CCDC3: variants seen among roughly 807,000 people sequenced by gnomAD.
The protein encoded by CCDC3 is coiled-coil domain-containing protein 3.
A neutral mutation model predicts 21.4 loss-of-function variants in CCDC3; 24 were observed. That is an observed-to-expected ratio of 1.12 (90% CI 0.81 to 1.58). The LOEUF is 1.58. CCDC3 is among the 40% of genes most tolerant of loss of function. The pLI is 0.00. For missense variants in CCDC3, 425 were observed against 360.9 expected (o/e 1.18, Z -1.44); for synonymous variants, 186 against 166.0 (o/e 1.12, Z -0.93).
At position 12,898,359 on chromosome 10, in the gene CCDC3, A is replaced by G. The variant is rs1038960701; in HGVS notation, c.*57T>C. 4 of 1,497,592 alleles carry G rather than the reference A, an allele frequency of 2.7e-6. No homozygotes were observed. In the Admixed American group the frequency reaches 6.7e-5, roughly 25 times the overall value. 92.8% of individuals were successfully genotyped at this position (1,497,592 alleles called of 1,614,324 possible). On this transcript the variant is annotated 3_prime_UTR_variant, in exon 3 of 3. Transcript: ENST00000378825. ...GAAATAGCTGCATGTACGAAACCTC[A>G]CTCATTCTCAATTACCGTCAGGATT...
At chr10:12,905,905 T>C (rs1404752159) in intron 2 of CCDC3, among the ~76,000 whole-genome samples, 1 of 152,178 alleles carries the variant, frequency 6.6e-6, no homozygotes, top group East Asian at 1.9e-4. Context: ...TCTGGCCCCG[T>C]AGAGGGCAGA....
At chr10:12,981,067 C>G (rs1473087382) in intron 2 of CCDC3, among the ~76,000 whole-genome samples, 1 of 151,096 alleles carries the variant, frequency 6.6e-6, no homozygotes, top group Non-Finnish European at 1.5e-5. Context: ...GAGACAGGGT[C>G]TTGCTATGTT....
chr10:13,001,128 C>A lies in CCDC3; in HGVS notation c.374+69G>T, dbSNP rs989530846. 3.3e-6 allele frequency: 5 copies of A among 1,502,690 alleles called. No homozygotes were observed. In the African/African-American group the frequency reaches 5.6e-5, roughly 17 times the overall value. The allele number at this position is 1,502,690 out of a possible 1,614,324, so 93.1% of individuals were successfully genotyped here. Reference sequence around the variant, plus strand: ...TGCCCGGGGAGTTACCGGCCTGGCTCTAGGTAACGGCGACCTCGGGAGGTG... The same window carrying A: ...TGCCCGGGGAGTTACCGGCCTGGCTATAGGTAACGGCGACCTCGGGAGGTG... On this transcript the variant is annotated intron_variant, in intron 1 of 2. Coordinates refer to ENST00000378825, the MANE Select transcript of CCDC3 (RefSeq NM_031455.4).
At chr10:12,919,521 C>T (rs1245766642) in intron 2 of CCDC3, among the ~76,000 whole-genome samples, 3 of 145,588 alleles carry the variant, frequency 2.1e-5, no homozygotes, top group African/African-American at 7.7e-5. Context: ...ACCCAGGAGG[C>T]AGGGTTTGCA....
chr10:12,959,576 C>A (rs913911604), intron 2 of CCDC3, among the ~76,000 whole-genome samples: 1 of 152,134 alleles, frequency 6.6e-6, no homozygotes, highest in Non-Finnish European at 1.5e-5. Context: ...TTTGTGTAGT[C>A]AGGGGTCAGG....
intron 4 of CCDC3, among the ~76,000 whole-genome samples, chr10:13,057,458 TTTG>T (rs1266983445): frequency 7.5e-6 from 1 of 133,058 alleles, no homozygotes; most frequent in Non-Finnish European, 1.6e-5. Context: ...TGTTTCTTCT[TTTG>T]TTTTCTTAAA....
Position 13,001,550 on chromosome 10 carries a change from G to A in CCDC3, c.21C>T (p.Leu7=), listed in dbSNP as rs1403636832. 5.5e-6 allele frequency: 7 copies of A among 1,263,158 alleles called. No individual in the cohort carries two copies. Among genetic ancestry groups the A allele is most frequent in the Admixed American group, 8.5e-5 (2 of 23,576 alleles). 78.2% of individuals were successfully genotyped at this position (1,263,158 alleles called of 1,614,324 possible). Residue 7 remains leucine, a synonymous_variant, in exon 1 of 3, where the codon CTC becomes CTT. Transcript: ENST00000378825. MLRQLL[L]AALCLAGPPA... ...GGGGACCCGCCAGGCAGAGCGCGGC[G>A]AGCAGCAGCTGGCGCAGCATGCCGG...
At chr10:13,005,342 A>G (rs1835914022), upstream of CCDC3, among the ~76,000 whole-genome samples, 1 of 152,216 alleles carries the variant, frequency 6.6e-6, no homozygotes, top group South Asian at 2.1e-4. Flanking sequence ...AAAGGAATCT[A>G]AGCCACTTGC....
chr10:12,936,733 C>A (rs1351139389), intron 2 of CCDC3, among the ~76,000 whole-genome samples: 2 of 152,094 alleles, frequency 1.3e-5, no homozygotes, highest in African/African-American at 2.4e-5. Context: ...ATGCTGAGGC[C>A]CCCATCTGTG....
chr10:13,001,186 G>T lies in CCDC3; in HGVS notation c.374+11C>A. 2 of 1,545,328 alleles carry T rather than the reference G, an allele frequency of 1.3e-6. No homozygotes were observed. The highest frequency in any genetic ancestry group is 5.0e-5 in the East Asian group (2 of 40,316). The stretch of plus-strand genomic sequence containing the variant: ...GAGAGAGAGAGGTGGCGGCGGCGCC[G>T]CCGGGCTCACCTGAGGAAGAAGAAA... On this transcript the variant is annotated intron_variant, in intron 1 of 2. Coordinates refer to ENST00000378825, the MANE Select transcript of CCDC3 (RefSeq NM_031455.4).
chr10:12,910,723 C>T (rs1834259928), intron 2 of CCDC3, among the ~76,000 whole-genome samples: 1 of 151,716 alleles, frequency 6.6e-6, no homozygotes, highest in South Asian at 2.1e-4. Context: ...GATTCTCCTG[C>T]CTCAGCCTCC....
intron 5 of CCDC3, among the ~76,000 whole-genome samples, chr10:13,023,048 A>T (rs1208079093): frequency 6.7e-6 from 1 of 150,150 alleles, no homozygotes; most frequent in Non-Finnish European, 1.5e-5. Context: ...ACTGGGGAAA[A>T]ATTAAATAAA....
intron 5 of CCDC3, among the ~76,000 whole-genome samples, chr10:13,026,759 ATC>A (rs765852831): frequency 2.0e-5 from 3 of 152,206 alleles, no homozygotes; most frequent in Admixed American, 1.3e-4. Context: ...TCTCAGTTTA[ATC>A]TCATAATAGT....
chr10:13,042,630 C>A (rs527955822), intron 5 of CCDC3, among the ~76,000 whole-genome samples: 1 of 152,222 alleles, frequency 6.6e-6, no homozygotes, highest in Non-Finnish European at 1.5e-5. Context: ...GCTTCTCAGC[C>A]GGGCGTGGTG....
At chr10:12,928,737 G>A (rs1834588137) in intron 2 of CCDC3, among the ~76,000 whole-genome samples, 1 of 152,222 alleles carries the variant, frequency 6.6e-6, no homozygotes, top group Admixed American at 6.5e-5. Flanking sequence ...AGGGTGGAGT[G>A]TGAAGTATCT....
At chr10:13,010,711 G>A (rs976681574) in intron 5 of CCDC3, among the ~76,000 whole-genome samples, 5 of 152,142 alleles carry the variant, frequency 3.3e-5, no homozygotes, top group African/African-American at 2.4e-5. Context: ...CAACCCAAGT[G>A]TCCATCCACA....
intron 2 of CCDC3, among the ~76,000 whole-genome samples, chr10:12,955,682 GGCTGGTATTATAGGT>G (rs1212934704): frequency 1.3e-5 from 2 of 151,332 alleles, no homozygotes; most frequent in Non-Finnish European, 2.9e-5. Context: ...CCTCCCAAGT[GGCTGGTATTATAGGT>G]GTGTGCCACC....
At chr10:12,946,485 T>C (rs1834918126) in intron 2 of CCDC3, among the ~76,000 whole-genome samples, 1 of 152,172 alleles carries the variant, frequency 6.6e-6, no homozygotes, top group Admixed American at 6.5e-5. Context: ...GGCAGCCAAC[T>C]GATCCGATCA....
chr10:12,973,315 G>A (rs909811271), intron 2 of CCDC3, among the ~76,000 whole-genome samples: 2 of 152,132 alleles, frequency 1.3e-5, no homozygotes, highest in Non-Finnish European at 2.9e-5. Context: ...CTGGGCCCGA[G>A]GACAGCGGCC....
Sources: gnomAD v4.1 joint callset for allele counts (sites outside exome capture counted in the v4.1 genomes callset) on GRCh38, gnomAD v4.1.1 for gene constraint, MANE v1.5 for transcripts, NCBI Gene and HGNC (gene_info 2026-07-23, HGNC 2026-07-21) for gene names.